KCNT1: variants seen among roughly 807,000 people sequenced by gnomAD.
KCNT1 encodes potassium channel subfamily T member 1.
KCNT1 carries 78 observed loss-of-function variants against 147.8 expected under a neutral mutation model. The observed-to-expected ratio is 0.53, with a 90% CI of 0.44 to 0.64. The LOEUF (loss-of-function observed/expected upper bound fraction) is 0.64, where lower values mean the gene tolerates loss of function less well. Among genes scored for constraint, KCNT1 ranks in the 30% least tolerant of loss-of-function variants. The probability of loss-of-function intolerance (pLI) is 0.00; values close to 1 mark genes in which losing one functional copy is unlikely to be tolerated. For synonymous variants in KCNT1, 867 were observed against 748.8 expected, an observed-to-expected ratio of 1.16 and a Z score of -2.58; for missense variants, 1,419 against 1,750.3, an observed-to-expected ratio of 0.81 and a Z score of 3.38.
Position 135,777,854 on chromosome 9 carries a change from T to C in KCNT1, c.2522+344T>C, listed in dbSNP as rs372216679. On this transcript the variant is annotated intron_variant, in intron 21 of 30. Transcript: ENST00000371757. ...TCCCCCAGTTCCCAGCTACTCTCCA[T>C]TCCCAGCTCCTCCCCACTCCCAGCT... 4.1e-5 allele frequency among the ~76,000 whole-genome samples: 6 copies of C among 146,792 alleles called. No homozygotes were observed. The East Asian group carries it at 1.0e-3, about 25-fold the overall frequency.
intron 5 of KCNT1, among the ~76,000 whole-genome samples, chr9:135,754,581 G>A (rs547871869): frequency 1.3e-5 from 2 of 152,330 alleles, no homozygotes; most frequent in East Asian, 1.9e-4. Context: ...GCCCCTGTCC[G>A]CATCAGGCAA....
intron 2 of KCNT1, among the ~76,000 whole-genome samples, chr9:135,746,577 G>A (rs997869698): frequency 1.3e-5 from 2 of 152,230 alleles, no homozygotes; most frequent in African/African-American, 4.8e-5. Flanking sequence ...GAGCCCAGGG[G>A]GACGCATTGG....
intron 2 of KCNT1, among the ~76,000 whole-genome samples, chr9:135,723,593 C>T (rs780041025): frequency 2.9e-4 from 44 of 152,320 alleles, no homozygotes; most frequent in African/African-American, 8.7e-4. Context: ...CATGTCTACA[C>T]GGGGCCTGCT....
chr9:135,750,143 G>T lies in KCNT1; in HGVS notation c.300G>T (p.Arg100=). ...TCAACGAGAACACCTTCAAGGAGCG[G>T]CTCAAGCTGTTCTTCATCAAAAACC... ...FYVNENTFKE[R]LKLFFIKNQR... Residue 100 remains arginine, a synonymous_variant, in exon 3 of 31, where the codon CGG becomes CGT. Coordinates refer to ENST00000371757, the MANE Select transcript of KCNT1 (RefSeq NM_020822.3). 1 of 1,613,772 alleles carries T rather than the reference G, an allele frequency of 6.2e-7. No homozygotes were observed. Among genetic ancestry groups the T allele is most frequent in the South Asian group, 1.1e-5 (1 of 91,062 alleles).
At chr9:135,775,276 C>CT (rs751261426) in intron 19 of KCNT1, 34 bp from the exon 20 acceptor site, 35 of 1,534,990 alleles carry the variant, frequency 2.3e-5, no homozygotes, top group South Asian at 1.8e-4. Context: ...CACCTCTGTG[C>CT]AGCTGTGCTG....
At chr9:135,738,475 C>T (rs533993406) in intron 2 of KCNT1, among the ~76,000 whole-genome samples, 107 of 152,222 alleles carry the variant, frequency 7.0e-4, no homozygotes, top group Admixed American at 1.5e-3. Context: ...AGGCCAGAGC[C>T]GAGAGGCAGG....
At chr9:135,728,012 T>C (rs1417117634) in intron 2 of KCNT1, among the ~76,000 whole-genome samples, 4 of 152,230 alleles carry the variant, frequency 2.6e-5, no homozygotes, top group Admixed American at 6.5e-5. Context: ...ATTTGTGTTA[T>C]GCACATTTAC....
In KCNT1 at chr9:135,714,604, C is replaced by G; in HGVS notation, c.138C>G (p.Leu46=). The G allele has an allele frequency of 7.0e-7, 1 of 1,435,864 alleles. No homozygotes were observed. The highest frequency in any genetic ancestry group is 9.2e-7 in the Non-Finnish European group (1 of 1,081,138). The allele number at this position is 1,435,864 out of a possible 1,614,324, so 88.9% of individuals were successfully genotyped here. The change falls in exon 2 of 31, where the codon CTC becomes CTG. Residue 46 remains leucine (L), a synonymous_variant. Coordinates refer to ENST00000371757, the MANE Select transcript of KCNT1 (RefSeq NM_020822.3). This position sits in a 1 kb window ranked among gnomAD's most constrained non-coding sequence, Gnocchi z 6.2. ...GGCCCTGCGCGGGGGACGGCGCGCT[C>G]CTGGACACCGCCGGCTTCAAGATGA... ...PRRPCAGDGA[L]LDTAGFKMSD... is the part of the protein sequence containing the mutation.
chr9:135,722,085 G>A (rs1835947440), intron 2 of KCNT1, among the ~76,000 whole-genome samples: 1 of 152,180 alleles, frequency 6.6e-6, no homozygotes, highest in South Asian at 2.1e-4. Flanking sequence ...ACATGTGAAC[G>A]GTGTCTTGTG....
At chr9:135,726,785 G>C (rs372659962) in intron 2 of KCNT1, among the ~76,000 whole-genome samples, 29 of 53,866 alleles carry the variant, frequency 5.4e-4, no homozygotes, top group African/African-American at 8.9e-4. Context: ...CTCTCTCTCC[G>C]TCTTTCCTAT....
chr9:135,786,522 G>T lies in KCNT1; in HGVS notation c.3502+1G>T. The T allele has an allele frequency of 1.3e-6, 2 of 1,589,042 alleles. No individual in the cohort carries two copies. The highest frequency in any genetic ancestry group is 1.1e-5 in the South Asian group (1 of 88,346). ...CTGGGGCTGCCCACCACCGGCTACG[G>T]TAAGGGCACACGGCGCGGGTGGGGG... On this transcript the variant is annotated splice_donor_variant, in intron 29 of 30. Coordinates refer to ENST00000371757, the MANE Select transcript of KCNT1 (RefSeq NM_020822.3). LOFTEE classifies it high-confidence loss of function.
intron 3 of KCNT1, 53 bp downstream of exon 3, chr9:135,750,230 C>A: frequency 7.1e-7 from 1 of 1,411,806 alleles, no homozygotes; most frequent in Non-Finnish European, 9.9e-7. Context: ...TTGAGGGCGC[C>A]GGGAGCAAGC....
rs1194687985 is a variant in KCNT1, at chr9:135,769,201, CAG to C, written c.1510+265_1510+266del. The stretch of plus-strand genomic sequence containing the variant: ...AGGGCGCGTGTGCACACGTGGGTGA[CAG>C]TGCATCTGGGGCAGGGCACGTGTGC... On this transcript the variant is annotated intron_variant, in intron 15 of 30. Coordinates refer to ENST00000371757, the MANE Select transcript of KCNT1 (RefSeq NM_020822.3). 1.2e-4 allele frequency among the ~76,000 whole-genome samples: 12 copies of C among 99,912 alleles called. 2 individuals carry two copies. Among genetic ancestry groups the C allele is most frequent in the African/African-American group, 4.2e-4 (10 of 23,726 alleles). The allele number at this position is 99,912 out of a possible 152,430, so 65.5% of individuals were successfully genotyped here.
chr9:135,789,694 G>A (rs571210851), intron 29 of KCNT1: 1 of 152,276 alleles, frequency 6.6e-6, no homozygotes, highest in African/African-American at 2.4e-5. Context: ...GAAGCGGGTT[G>A]GGGGGCGAGC....
intron 29 of KCNT1, chr9:135,789,187 C>A (rs1354794738): frequency 6.6e-6 from 1 of 150,912 alleles, no homozygotes; most frequent in Non-Finnish European, 1.5e-5. Flanking sequence ...CCAAAGCTTC[C>A]TGCGGCTCCC....
intron 2 of KCNT1, among the ~76,000 whole-genome samples, chr9:135,723,513 C>T (rs933493585): frequency 1.3e-5 from 2 of 152,216 alleles, no homozygotes; most frequent in Middle Eastern, 3.2e-3. Context: ...ACCACGTGAG[C>T]GTGTGGCTCC....
intron 2 of KCNT1, among the ~76,000 whole-genome samples, chr9:135,721,578 CG>C (rs1156853024): frequency 6.6e-6 from 1 of 152,210 alleles, no homozygotes; most frequent in Non-Finnish European, 1.5e-5. Flanking sequence ...CCCAGAGCCT[CG>C]GGGCCGCCTG....
chr9:135,757,413 T>TG (rs762966816), intron 9 of KCNT1, 32 bp downstream of exon 9: 175 of 1,553,956 alleles, frequency 1.1e-4, no homozygotes, highest in Middle Eastern at 1.7e-4. Flanking sequence ...AGCTGGGACT[T>TG]GGGGGGGCCA....
chr9:135,787,301 C>T (rs1010921668), intron 29 of KCNT1, among the ~76,000 whole-genome samples: 7 of 152,202 alleles, frequency 4.6e-5, no homozygotes, highest in South Asian at 2.1e-4. Flanking sequence ...CCCTGCCTGG[C>T]GTGGAGAGAA....
Sources: allele counts gnomAD v4.1 joint callset (sites outside exome capture counted in the v4.1 genomes callset), GRCh38; gene constraint gnomAD v4.1.1; non-coding constraint Gnocchi (gnomAD v3.1); transcripts MANE v1.5; gene names NCBI Gene and HGNC (gene_info 2026-07-23, HGNC 2026-07-21).